Variants in TUNAR observed in about 807,000 individuals in gnomAD.
TUNAR encodes protein TUNAR.
chr14:95,919,057 A>G (rs1889651564), intron 2 of TUNAR, among the ~76,000 whole-genome samples: 1 of 152,164 alleles, frequency 6.6e-6, no homozygotes, highest in African/African-American at 2.4e-5. Context: ...TAGAGACATG[A>G]CTAGTGCTTG....
chr14:95,883,140 G>A (rs1236555897), intron 2 of TUNAR, among the ~76,000 whole-genome samples: 2 of 152,194 alleles, frequency 1.3e-5, no homozygotes, highest in Admixed American at 1.3e-4. Context: ...ATCTGAAAAG[G>A]AGGAGTGGAA....
At chr14:95,899,431 C>T (rs1889313904) in intron 2 of TUNAR, among the ~76,000 whole-genome samples, 1 of 152,202 alleles carries the variant, frequency 6.6e-6, no homozygotes. Flanking sequence ...TCCTGGGTCC[C>T]CGAGGCTTGG....
At chr14:95,903,749 T>C (rs549303300) in intron 2 of TUNAR, among the ~76,000 whole-genome samples, 1 of 152,326 alleles carries the variant, frequency 6.6e-6, no homozygotes, top group African/African-American at 2.4e-5. Flanking sequence ...GTTCTCACTT[T>C]AGGTCTCCTG....
chr14:95,919,016 A>T (rs576722388), intron 2 of TUNAR, among the ~76,000 whole-genome samples: 2 of 152,294 alleles, frequency 1.3e-5, no homozygotes, highest in South Asian at 2.1e-4. Context: ...CAGTCTTTCT[A>T]AGACGACGGA....
At chr14:95,879,229 C>A (rs374754823) in intron 2 of TUNAR, among the ~76,000 whole-genome samples, 2 of 152,194 alleles carry the variant, frequency 1.3e-5, no homozygotes, top group South Asian at 4.2e-4. Context: ...AAAGTGTTGC[C>A]GAATCCCAAA....
intron 2 of TUNAR, among the ~76,000 whole-genome samples, chr14:95,908,121 C>T (rs1022843037): frequency 6.6e-6 from 1 of 152,234 alleles, no homozygotes; most frequent in Non-Finnish European, 1.5e-5. Flanking sequence ...TGCTTCTGCT[C>T]AGGAATCTGT....
At chr14:95,892,025 C>T (rs1889187324) in intron 2 of TUNAR, among the ~76,000 whole-genome samples, 1 of 152,266 alleles carries the variant, frequency 6.6e-6, no homozygotes, top group African/African-American at 2.4e-5. Context: ...TTTACTCACC[C>T]TGACTCATGT....
intron 2 of TUNAR, among the ~76,000 whole-genome samples, chr14:95,922,551 C>T (rs1372713673): frequency 1.3e-5 from 2 of 152,202 alleles, no homozygotes; most frequent in Non-Finnish European, 2.9e-5. Context: ...CTTCTAGGCT[C>T]CTCTCTCTGT....
rs1209949165 is a variant in TUNAR, at chr14:95,876,824, GTCTC to G, written c.-306-28_-306-25del. On this transcript the variant is annotated intron_variant, in intron 1 of 2. Coordinates refer to ENST00000678517, the Ensembl canonical transcript of TUNAR. The stretch of plus-strand genomic sequence containing the variant: ...GTGCAGCTCTGCGCGTTCTCATGCT[GTCTC>G]TCTCTCTTTCCCTCCGCGCTGCCTC... The G allele has an allele frequency of 1.3e-5, 2 of 152,286 alleles. No homozygotes were observed. Among genetic ancestry groups the G allele is most frequent in the Admixed American group, 6.5e-5 (1 of 15,288 alleles). The allele number at this position is 152,286 out of a possible 1,614,324, so 9.4% of individuals were successfully genotyped here. A position where few individuals can be genotyped will look rare whatever the true frequency, so the allele number is the denominator to read the frequency against.
chr14:95,902,564 G>A (rs1422899239), intron 2 of TUNAR, among the ~76,000 whole-genome samples: 1 of 152,224 alleles, frequency 6.6e-6, no homozygotes, highest in Non-Finnish European at 1.5e-5. Flanking sequence ...CAAGACCTGA[G>A]TGCTAGGAAA....
chr14:95,924,741 C>G (rs1450142269), exon 3 of TUNAR: 1 of 152,196 alleles, frequency 6.6e-6, no homozygotes, highest in African/African-American at 2.4e-5. Context: ...TCAGTTACCT[C>G]CCACCGGGTC....
intron 2 of TUNAR, among the ~76,000 whole-genome samples, chr14:95,891,315 G>A (rs556206412): frequency 2.3e-4 from 35 of 152,178 alleles, no homozygotes; most frequent in Non-Finnish European, 4.3e-4. Context: ...GGCTGCCAGC[G>A]GTTGTGTTCA....
exon 3 of TUNAR, chr14:95,925,075 T>C (rs531982572): frequency 1.3e-5 from 2 of 152,398 alleles, no homozygotes; most frequent in East Asian, 3.9e-4. Context: ...AAGGTGCATG[T>C]AGGGCGTACT....
At chr14:95,906,426 T>TC (rs1889427531) in intron 2 of TUNAR, among the ~76,000 whole-genome samples, 1 of 152,208 alleles carries the variant, frequency 6.6e-6, no homozygotes, top group Non-Finnish European at 1.5e-5. Context: ...GCAATTTTTT[T>TC]CCCCAACAGC....
chr14:95,900,419 T>C (rs888564723), intron 2 of TUNAR, among the ~76,000 whole-genome samples: 1 of 152,094 alleles, frequency 6.6e-6, no homozygotes. Flanking sequence ...TTGAGTGTTA[T>C]TAGATGGAAC....
chr14:95,909,858 C>T (rs551703483), intron 2 of TUNAR, among the ~76,000 whole-genome samples: 116 of 152,276 alleles, frequency 7.6e-4, no homozygotes, highest in South Asian at 1.5e-3. Context: ...CATCCGAAGA[C>T]GGGGTCCTGG....
chr14:95,879,898 T>C (rs1174990133), intron 2 of TUNAR, among the ~76,000 whole-genome samples: 1 of 152,224 alleles, frequency 6.6e-6, no homozygotes, highest in African/African-American at 2.4e-5. Context: ...CTTGAGACCA[T>C]GCCCTCATGA....
intron 2 of TUNAR, 143 bp downstream of exon 1, chr14:95,877,320 C>T (rs1888905082): frequency 6.6e-6 from 1 of 152,410 alleles, no homozygotes; most frequent in Non-Finnish European, 1.5e-5. Context: ...TTTCCCCTGC[C>T]CCGAAGCCCC....
At chr14:95,914,773 CT>C (rs1264137137) in intron 2 of TUNAR, among the ~76,000 whole-genome samples, 8 of 152,122 alleles carry the variant, frequency 5.3e-5, no homozygotes, top group Admixed American at 4.6e-4. Flanking sequence ...ACTGTTATCC[CT>C]ACTTTATAGG....
Sources: gnomAD v4.1 joint callset for allele counts (sites outside exome capture counted in the v4.1 genomes callset) on GRCh38, gnomAD v4.1.1 for gene constraint, MANE v1.5 for transcripts, NCBI Gene and HGNC (gene_info 2026-07-23, HGNC 2026-07-21) for gene names.